LSAMP: variants seen among roughly 807,000 people sequenced by gnomAD.
LSAMP encodes limbic system-associated membrane protein.
In LSAMP, 7 loss-of-function variants were observed where a neutral mutation model predicts 38.6. The ratio of observed to expected loss-of-function variants is 0.18; its 90% confidence interval spans 0.10 to 0.34. The LOEUF (loss-of-function observed/expected upper bound fraction) is 0.34, where lower values mean the gene tolerates loss of function less well. LSAMP is among the 10% of genes least tolerant of loss of function. The pLI is 1.00. For missense variants in LSAMP, 313 were observed against 420.0 expected (o/e 0.75, Z 2.23); for synonymous variants, 154 against 166.8 (o/e 0.92, Z 0.59).
chr3:116,412,522 G>A (rs899484249), intron 1 of LSAMP, among the ~76,000 whole-genome samples: 1 of 152,030 alleles, frequency 6.6e-6, no homozygotes, highest in African/African-American at 2.4e-5. Flanking sequence ...GGTTTTTAAT[G>A]AGAAAATAAG....
chr3:116,286,329 A>G (rs2047194207), intron 1 of LSAMP, among the ~76,000 whole-genome samples: 1 of 152,222 alleles, frequency 6.6e-6, no homozygotes, highest in African/African-American at 2.4e-5. Context: ...CAACCTTGCC[A>G]TGGATACAAG....
At chr3:115,981,576 G>T (rs1007257053) in intron 3 of LSAMP, among the ~76,000 whole-genome samples, 1 of 152,108 alleles carries the variant, frequency 6.6e-6, no homozygotes, top group Non-Finnish European at 1.5e-5. Flanking sequence ...GACATCAGCA[G>T]GTTACTAGTC....
At chr3:116,170,413 T>C (rs534713365) in intron 1 of LSAMP, among the ~76,000 whole-genome samples, 1 of 152,304 alleles carries the variant, frequency 6.6e-6, no homozygotes, top group South Asian at 2.1e-4. Context: ...GATTTTATAA[T>C]TACCTTTCAT....
intron 1 of LSAMP, among the ~76,000 whole-genome samples, chr3:116,258,417 C>G (rs1314366433): frequency 6.6e-6 from 1 of 151,734 alleles, no homozygotes; most frequent in Non-Finnish European, 1.5e-5. Flanking sequence ...TAATTTCCTC[C>G]ATTTTAAAAA....
chr3:116,377,254 A>G (rs1474086360), intron 1 of LSAMP, among the ~76,000 whole-genome samples: 1 of 151,668 alleles, frequency 6.6e-6, no homozygotes, highest in Non-Finnish European at 1.5e-5. Flanking sequence ...AACAGGCCCA[A>G]GTGTATGTTG....
rs369026979 is a variant in LSAMP at position 116,321,711 on chromosome 3, C to A, written c.155+123166G>T. Among the ~76,000 whole-genome samples the A allele has an allele frequency of 4.6e-5, 7 of 152,306 alleles. No homozygotes were observed. The East Asian group carries it at 1.4e-3, about 29-fold the overall frequency. On this transcript the variant is annotated intron_variant, in intron 1 of 6. Transcript: ENST00000490035. ...AGTGCCTCTCTGACACACAAACTCACACACTCATTCTTAGAACCATGAGAT... is the reference window on the plus strand; with the variant it reads ...AGTGCCTCTCTGACACACAAACTCAAACACTCATTCTTAGAACCATGAGAT...
chr3:116,064,332 C>T (rs553251922), intron 2 of LSAMP, among the ~76,000 whole-genome samples: 1 of 152,096 alleles, frequency 6.6e-6, no homozygotes, highest in South Asian at 2.1e-4. Context: ...TCGAGACCAG[C>T]CTGACCAACA....
chr3:116,206,613 T>C (rs917910090), intron 1 of LSAMP, among the ~76,000 whole-genome samples: 4 of 147,006 alleles, frequency 2.7e-5, no homozygotes, highest in Non-Finnish European at 4.5e-5. Context: ...GTCTTTGTTC[T>C]CGTTGGTTTC....
intron 3 of LSAMP, among the ~76,000 whole-genome samples, chr3:115,989,006 G>A (rs929591702): frequency 2.0e-5 from 3 of 152,068 alleles, no homozygotes; most frequent in South Asian, 2.1e-4. Context: ...AATGAGAGGA[G>A]CATAGTGATA....
intron 3 of LSAMP, among the ~76,000 whole-genome samples, chr3:115,884,938 T>A (rs1349818114): frequency 6.6e-6 from 1 of 151,960 alleles, no homozygotes; most frequent in East Asian, 1.9e-4. Context: ...TCAGGCAAAT[T>A]GATTTTGAAA....
intron 1 of LSAMP, among the ~76,000 whole-genome samples, chr3:116,353,320 C>G (rs2048167013): frequency 6.6e-6 from 1 of 152,094 alleles, no homozygotes; most frequent in African/African-American, 2.4e-5. Context: ...TCAAAATGAT[C>G]AATTAACTCT....
chr3:116,063,855 C>G lies in LSAMP; in HGVS notation c.388+22469G>C, dbSNP rs116730428. On this transcript the variant is annotated intron_variant, in intron 2 of 6. Transcript: ENST00000490035. ...ATCTTCAAAAAGCATGGAACCCTAT[C>G]AAATCTATTATGTTGCGTCTAAACC... Among the ~76,000 whole-genome samples the G allele has an allele frequency of 3.5e-3, 537 of 152,290 alleles. 4 individuals are homozygous for G. The highest frequency in any genetic ancestry group is 0.015 in the South Asian group (72 of 4,832).
chr3:115,917,000 A>G (rs1937266107), intron 3 of LSAMP, among the ~76,000 whole-genome samples: 1 of 152,172 alleles, frequency 6.6e-6, no homozygotes, highest in African/African-American at 2.4e-5. Flanking sequence ...GAAAAAGTCT[A>G]AGTAAGAGGA....
At chr3:116,038,104 T>C (rs971153521) in intron 2 of LSAMP, among the ~76,000 whole-genome samples, 20 of 152,086 alleles carry the variant, frequency 1.3e-4, no homozygotes, top group African/African-American at 4.1e-4. Context: ...AATTTGGTGG[T>C]TAGACACTGG....
chr3:115,862,136 C>T (rs995316050), intron 3 of LSAMP, among the ~76,000 whole-genome samples: 1 of 152,134 alleles, frequency 6.6e-6, no homozygotes, highest in Non-Finnish European at 1.5e-5. Context: ...AATTGCTGGA[C>T]AGAGTCAGTA....
chr3:115,934,065 T>C (rs920206757), intron 3 of LSAMP, among the ~76,000 whole-genome samples: 1 of 152,256 alleles, frequency 6.6e-6, no homozygotes, highest in Non-Finnish European at 1.5e-5. Flanking sequence ...TGTGTTTTGA[T>C]AGGGACCTTG....
chr3:116,326,788 C>T (rs2047779000), intron 1 of LSAMP, among the ~76,000 whole-genome samples: 1 of 152,102 alleles, frequency 6.6e-6, no homozygotes, highest in Admixed American at 6.6e-5. Flanking sequence ...ATATGAACTT[C>T]AAGGTTTTTC....
chr3:115,894,077 T>C (rs1936668796), intron 3 of LSAMP, among the ~76,000 whole-genome samples: 1 of 152,092 alleles, frequency 6.6e-6, no homozygotes, highest in African/African-American at 2.4e-5. Flanking sequence ...AATCTTATTC[T>C]GCAGTATTAT....
At chr3:116,383,012 C>A (rs183355862) in intron 1 of LSAMP, among the ~76,000 whole-genome samples, 4 of 152,210 alleles carry the variant, frequency 2.6e-5, no homozygotes, top group African/African-American at 7.2e-5. Flanking sequence ...TATTATCTGC[C>A]CAGCTATCCA....
Sources: gnomAD v4.1 joint callset for allele counts (sites outside exome capture counted in the v4.1 genomes callset) on GRCh38, gnomAD v4.1.1 for gene constraint, MANE v1.5 for transcripts, NCBI Gene and HGNC (gene_info 2026-07-23, HGNC 2026-07-21) for gene names.